The following FSIP1 variants were observed in gnomAD, a reference collection of about 807,000 sequenced individuals.
The protein encoded by FSIP1 is fibrous sheath-interacting protein 1.
In FSIP1, 65 loss-of-function variants were observed where a neutral mutation model predicts 60.9. That is an observed-to-expected ratio of 1.07 (90% CI 0.87 to 1.31). The LOEUF is 1.31. Among genes scored for constraint, FSIP1 ranks in the 40% most tolerant of loss-of-function variants. FSIP1 has a pLI of 0.00. For missense variants in FSIP1, 675 were observed against 665.5 expected, an observed-to-expected ratio of 1.01 and a Z score of -0.16; for synonymous variants, 209 against 221.2, an observed-to-expected ratio of 0.94 and a Z score of 0.49.
chr15:39,743,103 T>C (rs1896859840), intron 5 of FSIP1, among the ~76,000 whole-genome samples: 1 of 152,220 alleles, frequency 6.6e-6, no homozygotes, highest in Non-Finnish European at 1.5e-5. Context: ...AGTGGTAATA[T>C]ATTTTTCTAT....
chr15:39,629,300 C>T (rs766671854), intron 10 of FSIP1, among the ~76,000 whole-genome samples: 2 of 152,250 alleles, frequency 1.3e-5, no homozygotes, highest in African/African-American at 4.8e-5. Context: ...TCATCGCCCT[C>T]GGAAGGTTTA....
At chr15:39,782,432 G>A (rs145917704) in intron 1 of FSIP1, 196 bp downstream of exon 1, 1,618 of 152,602 alleles carry the variant, frequency 0.011, 17 homozygotes, top group Non-Finnish European at 0.014. Flanking sequence ...GTGATTCCTG[G>A]AGAAATAGCC....
At chr15:39,597,609 A>G (rs766184796), downstream of FSIP1, 5 of 152,168 alleles carry the variant, frequency 3.3e-5, no homozygotes, top group Non-Finnish European at 7.3e-5. Flanking sequence ...TATGTGATTG[A>G]GAAAGACTGA....
At chr15:39,764,663 T>C (rs1276368349) in intron 4 of FSIP1, among the ~76,000 whole-genome samples, 1 of 152,126 alleles carries the variant, frequency 6.6e-6, no homozygotes. Flanking sequence ...CTCAATATTA[T>C]AGAGAATAAG....
At chr15:39,773,361 T>C (rs1897950940) in intron 2 of FSIP1, among the ~76,000 whole-genome samples, 1 of 152,184 alleles carries the variant, frequency 6.6e-6, no homozygotes, top group African/African-American at 2.4e-5. Context: ...TTAACACAAA[T>C]CACAACTTTG....
intron 10 of FSIP1, among the ~76,000 whole-genome samples, chr15:39,660,159 C>T (rs1265536581): frequency 1.3e-5 from 2 of 152,110 alleles, no homozygotes; most frequent in Non-Finnish European, 2.9e-5. Flanking sequence ...GTAAGTAAAA[C>T]GTAGCACACT....
chr15:39,634,389 T>G (rs1892041654), intron 10 of FSIP1, among the ~76,000 whole-genome samples: 1 of 152,208 alleles, frequency 6.6e-6, no homozygotes, highest in South Asian at 2.1e-4. Flanking sequence ...ACCACTCCGT[T>G]AAAACTGCTC....
At chr15:39,727,448 G>A (rs1368910449) in intron 8 of FSIP1, among the ~76,000 whole-genome samples, 1 of 152,190 alleles carries the variant, frequency 6.6e-6, no homozygotes, top group Non-Finnish European at 1.5e-5. Context: ...GCAGGAAGGG[G>A]CTGGAGAAAA....
At chr15:39,607,285 C>G (rs1890860883) in intron 11 of FSIP1, among the ~76,000 whole-genome samples, 1 of 152,208 alleles carries the variant, frequency 6.6e-6, no homozygotes, top group African/African-American at 2.4e-5. Context: ...CTGCCAGTGA[C>G]TGGGTGAGTA....
intron 10 of FSIP1, among the ~76,000 whole-genome samples, chr15:39,624,382 T>C (rs1441390951): frequency 2.6e-5 from 4 of 152,140 alleles, no homozygotes; most frequent in African/African-American, 7.2e-5. Flanking sequence ...ATTTGAGATA[T>C]AAATGTAGAA....
intron 5 of FSIP1, among the ~76,000 whole-genome samples, chr15:39,759,482 T>G (rs1897416416): frequency 6.6e-6 from 1 of 152,080 alleles, no homozygotes; most frequent in Non-Finnish European, 1.5e-5. Flanking sequence ...TGGGTAAGAG[T>G]CTAAATTGAT....
At chr15:39,737,922 C>T (rs1400478083) in intron 8 of FSIP1, among the ~76,000 whole-genome samples, 169 bp downstream of exon 8, 2 of 151,884 alleles carry the variant, frequency 1.3e-5, no homozygotes, top group African/African-American at 2.4e-5. Context: ...AGAACACCCG[C>T]GGTATTTTGT....
chr15:39,748,294 C>A (rs375020830), intron 5 of FSIP1, among the ~76,000 whole-genome samples: 6 of 152,240 alleles, frequency 3.9e-5, no homozygotes, highest in African/African-American at 7.2e-5. Context: ...AAGATGAATG[C>A]AAATCAAATA....
intron 11 of FSIP1, among the ~76,000 whole-genome samples, chr15:39,603,446 C>A (rs1890713107): frequency 6.6e-6 from 1 of 152,218 alleles, no homozygotes; most frequent in African/African-American, 2.4e-5. Flanking sequence ...AGAGGCAGCA[C>A]TGGCTAAGGA....
chr15:39,711,934 G>A (rs555441972), intron 10 of FSIP1, among the ~76,000 whole-genome samples: 2 of 151,818 alleles, frequency 1.3e-5, no homozygotes, highest in Admixed American at 6.6e-5. Flanking sequence ...CAATCTGCCC[G>A]CCTCGGCCTC....
chr15:39,618,246 C>G lies in FSIP1; in HGVS notation c.1189-1G>C. On this transcript the variant is annotated splice_acceptor_variant, in intron 10 of 11. Transcript: ENST00000350221. LOFTEE classifies it high-confidence loss of function. The stretch of plus-strand genomic sequence containing the variant: ...CAGAGAGACATGATGTGGACTCTAA[C>G]TGATGAAACAAACCAAAAGATTACA... 3 of 1,589,346 alleles carry G rather than the reference C, an allele frequency of 1.9e-6. No homozygotes were observed. Among genetic ancestry groups the G allele is most frequent in the Non-Finnish European group, 2.6e-6 (3 of 1,164,714 alleles).
rs1347412023 is a variant in FSIP1, at chr15:39,741,785, T to A, written c.655+20A>T. ...TATTCCCTTGTGAAAATGTGTATAA[T>A]CACACAAATTTAAATATACCTTTAT... On this transcript the variant is annotated intron_variant, in intron 6 of 11. Transcript: ENST00000350221. 2 of 1,212,180 alleles carry A rather than the reference T, an allele frequency of 1.6e-6. No homozygotes were observed. The highest frequency in any genetic ancestry group is 3.0e-5 in the African/African-American group (2 of 66,990). The allele number at this position is 1,212,180 out of a possible 1,614,324, so 75.1% of individuals were successfully genotyped here.
intron 10 of FSIP1, among the ~76,000 whole-genome samples, chr15:39,623,831 T>C (rs1300681274): frequency 1.3e-5 from 2 of 152,156 alleles, no homozygotes; most frequent in Admixed American, 1.3e-4. Context: ...TGGGTCCATG[T>C]CATCTCTTCA....
intron 10 of FSIP1, among the ~76,000 whole-genome samples, chr15:39,641,444 C>T (rs904534470): frequency 6.6e-6 from 1 of 152,042 alleles, no homozygotes; most frequent in Non-Finnish European, 1.5e-5. Context: ...TGCCTCTCAT[C>T]GCATAGTAAC....
Sources: gnomAD v4.1 joint callset for allele counts (sites outside exome capture counted in the v4.1 genomes callset) on GRCh38, gnomAD v4.1.1 for gene constraint, MANE v1.5 for transcripts, NCBI Gene and HGNC (gene_info 2026-07-23, HGNC 2026-07-21) for gene names.